The following DYRK2 variants were observed in gnomAD, a reference collection of about 807,000 sequenced individuals.
DYRK2 encodes the protein dual specificity tyrosine phosphorylation regulated kinase 2.
A neutral mutation model predicts 41.6 loss-of-function variants in DYRK2; 12 were observed. The observed-to-expected ratio is 0.29, with a 90% confidence interval of 0.18 to 0.47. DYRK2 has a LOEUF of 0.47. Ranked by LOEUF, DYRK2 falls within the 20% of genes least tolerant of loss-of-function variation. The probability of loss-of-function intolerance (pLI) is 1.00; values close to 1 mark genes in which losing one functional copy is unlikely to be tolerated. For synonymous variants in DYRK2, 322 were observed against 315.7 expected (o/e 1.02, Z -0.21); for missense variants, 678 against 798.4 (o/e 0.85, Z 1.82).
At chr12:67,651,826 T>C (rs1242283141) in intron 2 of DYRK2, among the ~76,000 whole-genome samples, 1 of 152,208 alleles carries the variant, frequency 6.6e-6, no homozygotes, top group Non-Finnish European at 1.5e-5. Flanking sequence ...TTCATCAAGA[T>C]TCCCCAGCCA....
At chr12:67,651,467 G>A (rs1872319370) in intron 2 of DYRK2, 3 of 400,934 alleles carry the variant, frequency 7.5e-6, no homozygotes, top group Admixed American at 3.2e-5. Flanking sequence ...TGTAATGAAA[G>A]TAGATGAAAC....
rs1328600018 is a variant in DYRK2 at position 67,648,967 on chromosome 12, A to G, written c.-167A>G. The G allele has an allele frequency of 1.1e-5, 5 of 438,980 alleles. No homozygotes were observed. The highest frequency in any genetic ancestry group is 4.3e-5 in the African/African-American group (2 of 46,194). The allele number at this position is 438,980 out of a possible 1,614,324, so 27.2% of individuals were successfully genotyped here. ...GCGGCGGCGGGCCCCGGCCGAGGGG[A>G]TGCAGTGGACTGTGTGTGTCTGGCT... On this transcript the variant is annotated 5_prime_UTR_variant, in exon 1 of 3. An upstream start codon of the reference 5' UTR is lost. Transcript: ENST00000344096.
chr12:67,650,007 C>T (rs1872268112), intron 2 of DYRK2, 62 bp downstream of exon 2: 8 of 1,283,370 alleles, frequency 6.2e-6, no homozygotes, highest in Non-Finnish European at 7.9e-6. Flanking sequence ...GGCCGAAGCA[C>T]CCGGACTTGG....
intron 2 of DYRK2, among the ~76,000 whole-genome samples, chr12:67,654,086 CAG>C (rs1228541229): frequency 6.6e-6 from 1 of 152,164 alleles, no homozygotes; most frequent in African/African-American, 2.4e-5. Context: ...CTGAGGTTAA[CAG>C]AGATGAAATA....
intron 2 of DYRK2, among the ~76,000 whole-genome samples, chr12:67,651,129 C>T (rs1484183268): frequency 6.6e-6 from 1 of 152,174 alleles, no homozygotes; most frequent in Non-Finnish European, 1.5e-5. Flanking sequence ...CACATCTGGT[C>T]CCAGGGGCTG....
In DYRK2 at chr12:67,658,331, T is replaced by C. The variant is rs758703731; in HGVS notation, c.1424T>C (p.Val475Ala). 2 of 1,614,154 alleles carry C rather than the reference T, an allele frequency of 1.2e-6. No individual in the cohort carries two copies. The highest frequency in any genetic ancestry group is 2.2e-5 in the South Asian group (2 of 91,078). ...GTCACGACTCTCTCAGATGGCTCTG[T>C]GGTCCTAAACGGAGGCCGTTCCCGG... The part of the protein sequence containing the change: ...CTVTTLSDGS[V>A]VLNGGRSRRG... Residue 475 changes from valine (V) to alanine (A), a missense_variant, in exon 3 of 3, where the codon GTG becomes GCG. Coordinates refer to ENST00000344096, the MANE Select transcript of DYRK2 (RefSeq NM_006482.3). This position sits in a 1 kb window ranked among gnomAD's most constrained non-coding sequence, Gnocchi z 4.3.
intron 2 of DYRK2, among the ~76,000 whole-genome samples, chr12:67,656,898 C>T (rs1320761535): frequency 6.6e-6 from 1 of 152,102 alleles, no homozygotes; most frequent in Non-Finnish European, 1.5e-5. Flanking sequence ...GTGGGGAACC[C>T]TGAATATGTA....
In DYRK2 at chr12:67,657,218, T is replaced by C; in HGVS notation, c.311T>C (p.Leu104Pro). 1 of 1,614,114 alleles carries C rather than the reference T, an allele frequency of 6.2e-7. No homozygotes were observed. The highest frequency in any genetic ancestry group is 1.3e-5 in the African/African-American group (1 of 75,020). Residue 104 changes from leucine (L) to proline (P), a missense_variant, in exon 3 of 3, where the codon CTC becomes CCC. Leu to Pro is a moderately conservative substitution (Grantham distance 98). Transcript: ENST00000344096. The surrounding 1 kb of genome is among the most constrained non-coding windows in gnomAD (Gnocchi z 4.8). The part of the protein sequence containing the change: ...FEDNSNKRTV[L>P]TTQPNGLTTV... ...GATAACAGTAACAAGCGGACAGTGC[T>C]CACGACACAACCAAATGGGCTTACA...
At chr12:67,655,552 A>C (rs1401626167) in intron 2 of DYRK2, among the ~76,000 whole-genome samples, 3 of 152,192 alleles carry the variant, frequency 2.0e-5, no homozygotes, top group African/African-American at 7.2e-5. Flanking sequence ...CCTAGCATGG[A>C]GTATCATCTA....
At chr12:67,651,654 T>G in intron 2 of DYRK2, 2 of 454,914 alleles carry the variant, frequency 4.4e-6, no homozygotes, top group South Asian at 3.1e-5. Context: ...TGCTTGACTT[T>G]GAAGGTGTGA....
At position 67,648,785 on chromosome 12, in the gene DYRK2, C is replaced by CGGTCCTCGCAGCGCTTCCA. The variant is rs1345774209; in HGVS notation, c.-347_-329dup. ...AGAGGCTCCCGAGCCAGGCGGTCTT[C>CGGTCCTCGCAGCGCTTCCA]GGTCCTCGCAGCGCTTCCAGCTCCC... On this transcript the variant is annotated 5_prime_UTR_variant, in exon 1 of 3. Coordinates refer to ENST00000344096, the MANE Select transcript of DYRK2 (RefSeq NM_006482.3). 2 of 156,874 alleles carry CGGTCCTCGCAGCGCTTCCA rather than the reference C, an allele frequency of 1.3e-5. No homozygotes were observed. Among genetic ancestry groups the CGGTCCTCGCAGCGCTTCCA allele is most frequent in the East Asian group, 3.6e-4 (2 of 5,512 alleles). The allele number at this position is 156,874 out of a possible 1,614,324, so 9.7% of individuals were successfully genotyped here.
intron 2 of DYRK2, chr12:67,651,393 T>C: frequency 3.2e-6 from 1 of 314,086 alleles, no homozygotes; most frequent in Non-Finnish European, 6.2e-6. Context: ...TTGGTTTGCA[T>C]GTGGATTCCA....
At chr12:67,654,490 G>A (rs544521748) in intron 2 of DYRK2, among the ~76,000 whole-genome samples, 3 of 152,294 alleles carry the variant, frequency 2.0e-5, no homozygotes, top group South Asian at 2.1e-4. Context: ...AAGCAAGGGG[G>A]CATGTTACGA....
intron 1 of DYRK2, 43 bp from the exon 2 acceptor site, chr12:67,649,754 C>G (rs1187478578): frequency 7.7e-7 from 1 of 1,306,590 alleles, no homozygotes; most frequent in Non-Finnish European, 9.8e-7. Flanking sequence ...GTGACTTTCT[C>G]CCCCCTGACC....
At chr12:67,649,497 A>G (rs1463235109) in intron 1 of DYRK2, among the ~76,000 whole-genome samples, 2 of 149,618 alleles carry the variant, frequency 1.3e-5, no homozygotes, top group Non-Finnish European at 3.0e-5. Flanking sequence ...AGCTGTCCAA[A>G]CCCACCTCCC....
At position 67,660,120 on chromosome 12, in the gene DYRK2, T is replaced by C. The variant is rs1368933130; in HGVS notation, c.*1407T>C. ...TCACTAATGTATGAGCAATGATCTA[T>C]ATCAATTTCAAGGCACGTGAAAAAA... On this transcript the variant is annotated 3_prime_UTR_variant, in exon 3 of 3. Transcript: ENST00000344096. The C allele has an allele frequency of 1.2e-5, 2 of 167,086 alleles. No homozygotes were observed. Among genetic ancestry groups the C allele is most frequent in the African/African-American group, 4.8e-5 (2 of 41,450 alleles). 10.4% of individuals were successfully genotyped at this position (167,086 alleles called of 1,614,324 possible). A position where few individuals can be genotyped will look rare whatever the true frequency, so the allele number is the denominator to read the frequency against.
In DYRK2 at chr12:67,649,711, T is replaced by G. The variant is rs537524462; in HGVS notation, c.50-86T>G. 64 of 1,258,312 alleles carry G rather than the reference T, an allele frequency of 5.1e-5. No homozygotes were observed. In the African/African-American group the frequency reaches 8.6e-4, roughly 17 times the overall value. 77.9% of individuals were successfully genotyped at this position (1,258,312 alleles called of 1,614,324 possible). ...TCCGTCTTTCTTTGGAAGAGGGTTG[T>G]CGCTGCCCAGCGGGGTTGGAGGGGG... On this transcript the variant is annotated intron_variant, in intron 1 of 2. Coordinates refer to ENST00000344096, the MANE Select transcript of DYRK2 (RefSeq NM_006482.3).
At chr12:67,653,742 A>T (rs1461150698) in intron 2 of DYRK2, among the ~76,000 whole-genome samples, 1 of 152,198 alleles carries the variant, frequency 6.6e-6, no homozygotes, top group Non-Finnish European at 1.5e-5. Context: ...ATCTATTGGC[A>T]TGTGTTCTTC....
At chr12:67,656,112 A>T (rs1872461582) in intron 2 of DYRK2, among the ~76,000 whole-genome samples, 1 of 152,204 alleles carries the variant, frequency 6.6e-6, no homozygotes, top group Admixed American at 6.5e-5. Context: ...CCTAACTGGG[A>T]GAGGATCCTG....
Sources: gnomAD v4.1 joint callset for allele counts (sites outside exome capture counted in the v4.1 genomes callset) on GRCh38, gnomAD v4.1.1 for gene constraint, Gnocchi (gnomAD v3.1) non-coding constraint, MANE v1.5 for transcripts, NCBI Gene and HGNC (gene_info 2026-07-23, HGNC 2026-07-21) for gene names.